The following SIPA1L3 variants were observed in gnomAD, a reference collection of about 807,000 sequenced individuals.
SIPA1L3 encodes the protein signal-induced proliferation-associated 1-like protein 3.
Under a neutral mutation model 150.1 loss-of-function variants are expected in SIPA1L3, and 59 were observed. That is an observed-to-expected ratio of 0.39 (90% CI 0.32 to 0.49). The LOEUF is 0.49. SIPA1L3 is among the 20% of genes least tolerant of loss of function. The probability of loss-of-function intolerance (pLI) is 0.86; values close to 1 mark genes in which losing one functional copy is unlikely to be tolerated. For missense variants in SIPA1L3, 2,211 were observed against 2,489.5 expected (o/e 0.89, Z 2.38); for synonymous variants, 1,070 against 1,077.6 (o/e 0.99, Z 0.14).
chr19:38,035,144 G>T (rs912029804), intron 2 of SIPA1L3, among the ~76,000 whole-genome samples: 1 of 152,196 alleles, frequency 6.6e-6, no homozygotes, highest in African/African-American at 2.4e-5. Flanking sequence ...AGGTGGAATA[G>T]AGATTCATCA....
At chr19:37,952,933 A>G (rs1335773216) in intron 1 of SIPA1L3, among the ~76,000 whole-genome samples, 3 of 152,092 alleles carry the variant, frequency 2.0e-5, no homozygotes, top group Admixed American at 6.5e-5. Flanking sequence ...GAGTGTGTGT[A>G]TGCACAGAGG....
At chr19:37,934,706 A>G (rs978532173) in intron 1 of SIPA1L3, among the ~76,000 whole-genome samples, 5 of 125,352 alleles carry the variant, frequency 4.0e-5, no homozygotes, top group African/African-American at 1.2e-4. Flanking sequence ...TCCTCCCGCA[A>G]TCCTTCACCC....
intron 1 of SIPA1L3, among the ~76,000 whole-genome samples, chr19:37,949,433 A>C (rs1281276557): frequency 6.6e-6 from 1 of 152,178 alleles, no homozygotes; most frequent in Admixed American, 6.5e-5. Context: ...TGGGAGGCTG[A>C]GGTGGGCGGC....
chr19:37,971,565 T>C (rs1396214773), intron 1 of SIPA1L3, among the ~76,000 whole-genome samples: 1 of 88,690 alleles, frequency 1.1e-5, no homozygotes, highest in Non-Finnish European at 2.2e-5. Context: ...TTTTTGTTTT[T>C]TGGGGTTTTT....
At chr19:37,926,706 G>A (rs1253446231) in intron 1 of SIPA1L3, among the ~76,000 whole-genome samples, 1 of 152,140 alleles carries the variant, frequency 6.6e-6, no homozygotes, top group East Asian at 1.9e-4. Flanking sequence ...AGCGGGTGGG[G>A]GTGAAATAAC....
chr19:38,087,669 G>A (rs1026258911), intron 3 of SIPA1L3: 4 of 152,338 alleles, frequency 2.6e-5, no homozygotes, highest in Admixed American at 6.5e-5. Context: ...AGGTAGACGA[G>A]GGAGCAGGAG....
rs558047437 is a variant in SIPA1L3 at position 38,157,500 on chromosome 19, C to T, written c.3661+4533C>T. Among the ~76,000 whole-genome samples the T allele has an allele frequency of 2.0e-4, 30 of 152,332 alleles. No individual in the cohort carries two copies. The South Asian group carries it at 6.0e-3, about 31-fold the overall frequency. On this transcript the variant is annotated intron_variant, in intron 13 of 21. Transcript: ENST00000222345. ...ACCCCTCCATAAGCTCCACCCACAA[C>T]CCCTCACCCACAGAGTGTGAGCGTT...
intron 1 of SIPA1L3, among the ~76,000 whole-genome samples, chr19:37,960,185 T>C (rs1340929215): frequency 1.3e-5 from 2 of 152,218 alleles, no homozygotes; most frequent in African/African-American, 4.8e-5. Context: ...TTATGTAATA[T>C]TTCTTACAGA....
intron 11 of SIPA1L3, 88 bp from the exon 12 acceptor site, chr19:38,142,485 C>G: frequency 7.0e-7 from 1 of 1,424,734 alleles, no homozygotes; most frequent in Non-Finnish European, 9.5e-7. Context: ...GTCCGTCTGT[C>G]CATCCATCTG....
chr19:38,100,328 A>C (rs1970473132), intron 5 of SIPA1L3, among the ~76,000 whole-genome samples, 178 bp downstream of exon 5: 1 of 152,222 alleles, frequency 6.6e-6, no homozygotes, highest in African/African-American at 2.4e-5. Context: ...AAGAGCAAGA[A>C]TGTAACTGGG....
At position 38,110,286 on chromosome 19, in the gene SIPA1L3, C is replaced by A. The variant is rs746174616; in HGVS notation, c.2193C>A (p.Gly731=). 1 of 1,614,024 alleles carries A rather than the reference C, an allele frequency of 6.2e-7. No individual in the cohort carries two copies. The highest frequency in any genetic ancestry group is 1.7e-5 in the Admixed American group (1 of 59,992). Residue 731 remains glycine (G), a synonymous_variant, in exon 8 of 22, where the codon GGC becomes GGA. Coordinates refer to ENST00000222345, the MANE Select transcript of SIPA1L3 (RefSeq NM_015073.3). ...TGACGATCATCTTCCAGGAGCCTGG[C>A]GCGCTACCGTTCACCCCCAAGAACA... is the stretch of plus-strand genomic sequence containing the variant. ...DIVTIIFQEP[G]ALPFTPKNIR...
At position 38,193,674 on chromosome 19, in the gene SIPA1L3, C is replaced by G. The variant is rs1167727177; in HGVS notation, c.4734C>G (p.Ala1578=). Residue 1578 remains alanine (A), a synonymous_variant, in exon 18 of 22, where the codon GCC becomes GCG. Coordinates refer to ENST00000222345, the MANE Select transcript of SIPA1L3 (RefSeq NM_015073.3). ...PSDVLFTSTC[A]FPSSTLPARR... is the part of the protein sequence containing the mutation. Reference sequence around the variant, plus strand: ...ACGTGCTCTTCACCAGCACCTGCGCCTTCCCGTCCAGCACGCTGCCTGCAC... The same window carrying G: ...ACGTGCTCTTCACCAGCACCTGCGCGTTCCCGTCCAGCACGCTGCCTGCAC... The G allele has an allele frequency of 1.9e-6, 3 of 1,579,614 alleles. No individual in the cohort carries two copies. The highest frequency in any genetic ancestry group is 2.6e-6 in the Non-Finnish European group (3 of 1,170,668).
chr19:38,078,347 A>G (rs1344273618), intron 2 of SIPA1L3, among the ~76,000 whole-genome samples: 1 of 151,890 alleles, frequency 6.6e-6, no homozygotes, highest in Non-Finnish European at 1.5e-5. Context: ...TTGCTCCTTG[A>G]ATCTGCTTTG....
intron 1 of SIPA1L3, among the ~76,000 whole-genome samples, chr19:38,015,612 T>A (rs1286517672): frequency 2.0e-5 from 3 of 151,222 alleles, no homozygotes; most frequent in Non-Finnish European, 4.4e-5. Flanking sequence ...TGGTCCCAGC[T>A]ACTCAGGTAG....
At chr19:38,044,427 C>T (rs756972542) in intron 2 of SIPA1L3, among the ~76,000 whole-genome samples, 5 of 151,960 alleles carry the variant, frequency 3.3e-5, no homozygotes, top group South Asian at 2.1e-4. Context: ...GAGGAATCAG[C>T]GAAGGAGGCT....
At chr19:37,928,115 T>A (rs190863405) in intron 1 of SIPA1L3, among the ~76,000 whole-genome samples, 172 of 152,278 alleles carry the variant, frequency 1.1e-3, no homozygotes, top group African/African-American at 3.8e-3. Context: ...AATTCTATTT[T>A]TAGTTCTTTG....
At chr19:38,074,467 A>G (rs1295778143) in intron 2 of SIPA1L3, among the ~76,000 whole-genome samples, 1 of 152,320 alleles carries the variant, frequency 6.6e-6, no homozygotes, top group Admixed American at 6.5e-5. Context: ...CTGCACTCTG[A>G]AGGCAGAGCC....
chr19:38,136,432 G>A (rs1409967001), intron 10 of SIPA1L3, among the ~76,000 whole-genome samples: 6 of 151,798 alleles, frequency 4.0e-5, no homozygotes, highest in East Asian at 3.9e-4. Context: ...GGTGAAACCC[G>A]GTGTCTACTA....
chr19:37,941,071 TACACACACACACACATACACACAC>T (rs1259720139), intron 1 of SIPA1L3, among the ~76,000 whole-genome samples: 41 of 133,182 alleles, frequency 3.1e-4, no homozygotes, highest in African/African-American at 9.2e-4. Context: ...GTTTGAGATG[TACACACACACACACATACACACAC>T]ACACACACAC....
Sources: allele counts gnomAD v4.1 joint callset (sites outside exome capture counted in the v4.1 genomes callset), GRCh38; gene constraint gnomAD v4.1.1; transcripts MANE v1.5; gene names NCBI Gene and HGNC (gene_info 2026-07-23, HGNC 2026-07-21).